Variants in AXDND1 observed in about 807,000 individuals in gnomAD.
AXDND1 encodes the protein axonemal dynein light chain domain containing 1, also known as axonemal dynein light chain domain-containing protein 1.
In AXDND1, 110 loss-of-function variants were observed where a neutral mutation model predicts 137.5. The observed-to-expected ratio is 0.80, with a 90% confidence interval of 0.69 to 0.94. The LOEUF is 0.94. AXDND1 is among the 40% of genes least tolerant of loss of function. AXDND1 has a pLI of 0.00. For missense variants in AXDND1, 1,191 were observed against 1,169.8 expected (o/e 1.02, Z -0.26); for synonymous variants, 414 against 399.7 (o/e 1.04, Z -0.43).
At chr1:179,451,591 A>G (rs1660560083) in intron 16 of AXDND1, 1 of 152,106 alleles carries the variant, frequency 6.6e-6, no homozygotes, top group South Asian at 2.1e-4. Flanking sequence ...CCCAAATCTC[A>G]TCTTGAATTT....
intron 12 of AXDND1, among the ~76,000 whole-genome samples, chr1:179,428,425 C>T (rs1477337173): frequency 6.6e-6 from 1 of 152,240 alleles, no homozygotes; most frequent in Non-Finnish European, 1.5e-5. Context: ...AACTTTATCT[C>T]TTTTGTCCAT....
chr1:179,404,568 T>G (rs1652636649), intron 11 of AXDND1, among the ~76,000 whole-genome samples: 1 of 152,174 alleles, frequency 6.6e-6, no homozygotes, highest in Non-Finnish European at 1.5e-5. Context: ...TTCAAATATG[T>G]TTATTGAACA....
chr1:179,514,773 T>C (rs1669370429), intron 21 of AXDND1, among the ~76,000 whole-genome samples: 1 of 152,142 alleles, frequency 6.6e-6, no homozygotes. Flanking sequence ...ATGTTTAGGA[T>C]TGTGATATTT....
chr1:179,368,543 A>G (rs372466455), intron 2 of AXDND1, among the ~76,000 whole-genome samples: 1 of 152,196 alleles, frequency 6.6e-6, no homozygotes, highest in African/African-American at 2.4e-5. Context: ...TGAATTGAGA[A>G]TCATGCAGGT....
intron 20 of AXDND1, among the ~76,000 whole-genome samples, chr1:179,502,220 A>G (rs920772937): frequency 6.6e-5 from 10 of 152,222 alleles, no homozygotes; most frequent in African/African-American, 2.2e-4. Flanking sequence ...TTCATAAGTG[A>G]TCAGGGAAAT....
At chr1:179,494,480 G>A (rs758890545) in intron 20 of AXDND1, among the ~76,000 whole-genome samples, 3 of 149,394 alleles carry the variant, frequency 2.0e-5, no homozygotes, top group African/African-American at 4.9e-5. Flanking sequence ...TTTTTTTCTC[G>A]ATACCAAGTC....
chr1:179,444,786 T>C (rs937044986), intron 15 of AXDND1, among the ~76,000 whole-genome samples, 184 bp from the exon 16 acceptor site: 1 of 151,982 alleles, frequency 6.6e-6, no homozygotes, highest in Non-Finnish European at 1.5e-5. Flanking sequence ...GTACCAAAAT[T>C]AGTTTAAATT....
At chr1:179,459,663 C>T (rs72719287) in intron 16 of AXDND1, among the ~76,000 whole-genome samples, 9,480 of 146,880 alleles carry the variant, frequency 0.065, 356 homozygotes, top group African/African-American at 0.075. Flanking sequence ...TGTTTAAAGG[C>T]TTGCTTTCTT....
At chr1:179,487,765 T>G (rs1312049915) in intron 18 of AXDND1, among the ~76,000 whole-genome samples, 1 of 147,940 alleles carries the variant, frequency 6.8e-6, no homozygotes, top group African/African-American at 2.6e-5. Flanking sequence ...AAGGCCAAGG[T>G]GGGAGGATTG....
At chr1:179,523,059 AATACTGAT>A (rs1670215775) in intron 21 of AXDND1, among the ~76,000 whole-genome samples, 1 of 151,794 alleles carries the variant, frequency 6.6e-6, no homozygotes, top group Non-Finnish European at 1.5e-5. Flanking sequence ...TGAGGTGTTC[AATACTGAT>A]GACTCCTTCT....
chr1:179,380,872 G>T (rs1353964534), intron 6 of AXDND1, among the ~76,000 whole-genome samples: 1 of 152,020 alleles, frequency 6.6e-6, no homozygotes, highest in Non-Finnish European at 1.5e-5. Flanking sequence ...TTGAGTCACT[G>T]GTTGTTTACA....
At position 179,549,719 on chromosome 1, in the gene AXDND1, C is replaced by G. The variant is rs550605909; in HGVS notation, c.3032-4793C>G. Among the ~76,000 whole-genome samples, 104 of 152,226 alleles carry G rather than the reference C, an allele frequency of 6.8e-4. 1 individual carries two copies. Among genetic ancestry groups the G allele is most frequent in the African/African-American group, 2.5e-3 (103 of 41,536 alleles). On this transcript the variant is annotated intron_variant, in intron 25 of 25. Coordinates refer to ENST00000367618, the MANE Select transcript of AXDND1 (RefSeq NM_144696.6). The stretch of plus-strand genomic sequence containing the variant: ...ATATGGTGTGAAAAGTGACCAACAA[C>G]CCTCGGTGCCATCTTAATTCCAATA...
chr1:179,416,029 G>A (rs1269843362), intron 12 of AXDND1, among the ~76,000 whole-genome samples: 3 of 152,034 alleles, frequency 2.0e-5, no homozygotes, highest in Non-Finnish European at 4.4e-5. Context: ...TCTAACACTA[G>A]GACTTATTTC....
chr1:179,520,282 G>A, intron 21 of AXDND1, among the ~76,000 whole-genome samples: 1 of 152,044 alleles, frequency 6.6e-6, no homozygotes, highest in Non-Finnish European at 1.5e-5. Flanking sequence ...AGAAGCTTTT[G>A]GGCTGAGACA....
chr1:179,465,469 T>G (rs12131009), intron 16 of AXDND1, among the ~76,000 whole-genome samples: 25,447 of 152,084 alleles, frequency 0.17, 2,448 homozygotes, highest in East Asian at 0.35. Flanking sequence ...TTCTGCCTGA[T>G]CCTTTCTCTG....
Position 179,444,960 on chromosome 1 carries a change from C to T in AXDND1, c.1564-10C>T, listed in dbSNP as rs779790193. The T allele has an allele frequency of 6.4e-7, 1 of 1,564,228 alleles. No individual in the cohort carries two copies. Among genetic ancestry groups the T allele is most frequent in the Non-Finnish European group, 8.8e-7 (1 of 1,136,940 alleles). On this transcript the variant is annotated splice_polypyrimidine_tract_variant and intron_variant, in intron 15 of 25. Transcript: ENST00000367618. ...AATATGCTACTCTCCCTCTTCCTTT[C>T]ACTCTTTAGATCCTGAATGAGAAAA...
At chr1:179,437,803 G>A (rs1218788777) in intron 15 of AXDND1, among the ~76,000 whole-genome samples, 1 of 152,202 alleles carries the variant, frequency 6.6e-6, no homozygotes, top group Non-Finnish European at 1.5e-5. Flanking sequence ...AAAGAAGGCT[G>A]AAATTCTTGA....
intron 17 of AXDND1, among the ~76,000 whole-genome samples, chr1:179,470,418 A>G (rs939393428): frequency 3.3e-5 from 5 of 152,132 alleles, no homozygotes; most frequent in African/African-American, 1.2e-4. Context: ...TTGCTATCTT[A>G]AACATGTTAA....
intron 5 of AXDND1, 44 bp from the exon 6 acceptor site, chr1:179,379,353 A>G (rs368898032): frequency 2.6e-5 from 41 of 1,580,464 alleles, no homozygotes; most frequent in South Asian, 1.1e-5. Flanking sequence ...TTTTTTCTCT[A>G]TTAATATATT....
Sources: gnomAD v4.1 joint callset for allele counts (sites outside exome capture counted in the v4.1 genomes callset) on GRCh38, gnomAD v4.1.1 for gene constraint, MANE v1.5 for transcripts, NCBI Gene and HGNC (gene_info 2026-07-23, HGNC 2026-07-21) for gene names.